Variants in PSMB7 observed in about 807,000 individuals in gnomAD.
PSMB7 encodes the protein proteasome 20S subunit beta 7.
Under a neutral mutation model 28.1 loss-of-function variants are expected in PSMB7, and 5 were observed. That is an observed-to-expected ratio of 0.18 (90% CI 0.09 to 0.37). The LOEUF (loss-of-function observed/expected upper bound fraction) is 0.37. Ranked by LOEUF, PSMB7 falls within the 10% of genes least tolerant of loss-of-function variation. The probability of loss-of-function intolerance (pLI) is 1.00; values close to 1 mark genes in which losing one functional copy is unlikely to be tolerated. For missense variants in PSMB7, 275 were observed against 346.2 expected, an observed-to-expected ratio of 0.79 and a Z score of 1.63; for synonymous variants, 122 against 123.7, an observed-to-expected ratio of 0.99 and a Z score of 0.09.
intron 6 of PSMB7, among the ~76,000 whole-genome samples, chr9:124,357,847 C>T (rs1830427375): frequency 1.3e-5 from 2 of 152,094 alleles, no homozygotes; most frequent in South Asian, 4.1e-4. Context: ...CTAAAGAGCA[C>T]GTGAAAAGGA....
At chr9:124,401,161 T>C (rs1830899795) in intron 5 of PSMB7, among the ~76,000 whole-genome samples, 1 of 152,248 alleles carries the variant, frequency 6.6e-6, no homozygotes, top group Non-Finnish European at 1.5e-5. Flanking sequence ...TCTGGAGGGA[T>C]GTGAAGGAGA....
Position 124,415,441 on chromosome 9 carries a change from G to A in PSMB7, c.-16C>T. 1 of 1,613,786 alleles carries A rather than the reference G, an allele frequency of 6.2e-7. No homozygotes were observed. The highest frequency in any genetic ancestry group is 8.5e-7 in the Non-Finnish European group (1 of 1,179,800). On this transcript the variant is annotated 5_prime_UTR_variant, in exon 1 of 8. Transcript: ENST00000259457. ...CAGCCGCCATCTTCCCAAGAAAGCA[G>A]TTCCGGGTCGGAGGCGGGTGCAAAC...
chr9:124,365,047 G>A (rs886680513), intron 6 of PSMB7, among the ~76,000 whole-genome samples: 1 of 152,184 alleles, frequency 6.6e-6, no homozygotes, highest in Non-Finnish European at 1.5e-5. Context: ...CTTGTTCTAG[G>A]AAGTTTAAAG....
At chr9:124,385,890 T>A (rs1830713647) in intron 5 of PSMB7, among the ~76,000 whole-genome samples, 1 of 152,038 alleles carries the variant, frequency 6.6e-6, no homozygotes, top group African/African-American at 2.4e-5. Flanking sequence ...CAATTATAGA[T>A]CAAATTTAAA....
At chr9:124,365,214 G>A (rs1386857723) in intron 6 of PSMB7, among the ~76,000 whole-genome samples, 1 of 152,160 alleles carries the variant, frequency 6.6e-6, no homozygotes, top group East Asian at 1.9e-4. Flanking sequence ...CTGCCCATGA[G>A]AATTGTGGAG....
At chr9:124,362,889 C>G (rs993342848) in intron 6 of PSMB7, among the ~76,000 whole-genome samples, 1 of 152,184 alleles carries the variant, frequency 6.6e-6, no homozygotes, top group South Asian at 2.1e-4. Context: ...AATCCAAATG[C>G]AGCTTGGAAA....
At chr9:124,358,560 G>A (rs189312317) in intron 6 of PSMB7, among the ~76,000 whole-genome samples, 20 of 152,324 alleles carry the variant, frequency 1.3e-4, no homozygotes, top group African/African-American at 4.8e-4. Context: ...GAAGGTGGCA[G>A]CAAAGAAAGC....
At chr9:124,405,556 G>A in intron 4 of PSMB7, 124 bp from the exon 5 acceptor site, 1 of 631,724 alleles carries the variant, frequency 1.6e-6, no homozygotes, top group Non-Finnish European at 2.8e-6. Context: ...TCATTAAGGG[G>A]TTATTGTTTT....
intron 7 of PSMB7, among the ~76,000 whole-genome samples, chr9:124,355,914 T>C (rs1219688382): frequency 6.6e-6 from 1 of 151,986 alleles, no homozygotes; most frequent in Non-Finnish European, 1.5e-5. Flanking sequence ...TGATGTGGAG[T>C]TGTGTGTGCA....
chr9:124,378,862 C>T (rs1430261286), intron 6 of PSMB7, among the ~76,000 whole-genome samples: 3 of 152,200 alleles, frequency 2.0e-5, no homozygotes, highest in Admixed American at 6.5e-5. Context: ...TGATCAAACT[C>T]CTTATTTTTA....
intron 4 of PSMB7, among the ~76,000 whole-genome samples, chr9:124,405,694 T>G (rs1170039286): frequency 6.6e-6 from 1 of 152,084 alleles, no homozygotes; most frequent in Non-Finnish European, 1.5e-5. Flanking sequence ...TTATTATTAT[T>G]TTTTTGAGAC....
intron 4 of PSMB7, among the ~76,000 whole-genome samples, chr9:124,406,622 A>C (rs965174603): frequency 6.6e-6 from 1 of 151,794 alleles, no homozygotes. Context: ...ACTCGTATCA[A>C]AAAAAAAGTA....
intron 6 of PSMB7, among the ~76,000 whole-genome samples, chr9:124,364,599 C>T (rs1422722058): frequency 6.6e-6 from 1 of 150,836 alleles, no homozygotes; most frequent in African/African-American, 2.4e-5. Context: ...AAAACGAAAA[C>T]CAGGCTGTGG....
At chr9:124,393,828 GGAGA>G (rs982475586) in intron 5 of PSMB7, among the ~76,000 whole-genome samples, 1 of 152,210 alleles carries the variant, frequency 6.6e-6, no homozygotes, top group Non-Finnish European at 1.5e-5. Flanking sequence ...CACAAGATAT[GGAGA>G]GAGAACATTT....
intron 5 of PSMB7, among the ~76,000 whole-genome samples, chr9:124,403,078 A>G (rs1348214483): frequency 6.6e-6 from 1 of 152,200 alleles, no homozygotes; most frequent in Non-Finnish European, 1.5e-5. Context: ...AGAAAATATT[A>G]AGAGGTAAAT....
intron 7 of PSMB7, among the ~76,000 whole-genome samples, chr9:124,354,574 C>T (rs956028061): frequency 6.6e-6 from 1 of 152,218 alleles, no homozygotes; most frequent in Non-Finnish European, 1.5e-5. Flanking sequence ...GAGCAGGAAG[C>T]AGAACAAGGA....
chr9:124,415,429 C>T lies in PSMB7; in HGVS notation c.-4G>A. 1 of 1,614,076 alleles carries T rather than the reference C, an allele frequency of 6.2e-7. No individual in the cohort carries two copies. The highest frequency in any genetic ancestry group is 8.5e-7 in the Non-Finnish European group (1 of 1,179,964). The stretch of plus-strand genomic sequence containing the variant: ...CATACACCGACACAGCCGCCATCTT[C>T]CCAAGAAAGCAGTTCCGGGTCGGAG... On this transcript the variant is annotated 5_prime_UTR_variant, in exon 1 of 8. Transcript: ENST00000259457.
Position 124,356,679 on chromosome 9 carries a change from G to T in PSMB7, c.722+85C>A. ...ATGTACTTAATGTGGAAAGAACCAG[G>T]AAAACTCCATCCAGATGCCATGGAG... On this transcript the variant is annotated intron_variant, in intron 7 of 7. Coordinates refer to ENST00000259457, the MANE Select transcript of PSMB7 (RefSeq NM_002799.4). This position sits in a 1 kb window ranked among gnomAD's most constrained non-coding sequence, Gnocchi z 4.4. 6.9e-7 allele frequency: 1 copy of T among 1,449,160 alleles called. No homozygotes were observed. Among genetic ancestry groups the T allele is most frequent in the Non-Finnish European group, 9.4e-7 (1 of 1,063,194 alleles). The allele number at this position is 1,449,160 out of a possible 1,614,324, so 89.8% of individuals were successfully genotyped here.
chr9:124,357,716 A>G (rs973646069), intron 6 of PSMB7, among the ~76,000 whole-genome samples: 9 of 152,224 alleles, frequency 5.9e-5, no homozygotes, highest in Admixed American at 3.9e-4. Context: ...GTCCTATCAC[A>G]TGCTATACCA....
Sources: gnomAD v4.1 joint callset for allele counts (sites outside exome capture counted in the v4.1 genomes callset) on GRCh38, gnomAD v4.1.1 for gene constraint, Gnocchi (gnomAD v3.1) non-coding constraint, MANE v1.5 for transcripts, NCBI Gene and HGNC (gene_info 2026-07-23, HGNC 2026-07-21) for gene names.